FBXL7: variants seen among roughly 807,000 people sequenced by gnomAD.
FBXL7 encodes F-box/LRR-repeat protein 7.
A neutral mutation model predicts 38.3 loss-of-function variants in FBXL7; 12 were observed. The ratio of observed to expected loss-of-function variants is 0.31; its 90% CI spans 0.20 to 0.51. The LOEUF (loss-of-function observed/expected upper bound fraction) is 0.51, where lower values mean the gene tolerates loss of function less well. FBXL7 is among the 20% of genes least tolerant of loss of function. The pLI is 0.98. For synonymous variants in FBXL7, 297 were observed against 300.9 expected (o/e 0.99, Z 0.13); for missense variants, 567 against 676.4 (o/e 0.84, Z 1.79).
intron 2 of FBXL7, among the ~76,000 whole-genome samples, chr5:15,659,684 A>G (rs1741996182): frequency 6.6e-6 from 1 of 152,228 alleles, no homozygotes; most frequent in Admixed American, 6.5e-5. Flanking sequence ...ATGATGGTGT[A>G]AGGAGTATAA....
At chr5:15,562,536 C>G (rs1738441511) in intron 1 of FBXL7, among the ~76,000 whole-genome samples, 1 of 151,938 alleles carries the variant, frequency 6.6e-6, no homozygotes, top group South Asian at 2.1e-4. Flanking sequence ...TTATTTTATA[C>G]CTCACTTTTT....
intron 1 of FBXL7, among the ~76,000 whole-genome samples, chr5:15,569,165 A>G (rs1270951783): frequency 6.6e-6 from 1 of 152,182 alleles, no homozygotes; most frequent in Admixed American, 6.5e-5. Flanking sequence ...CATTGAATCT[A>G]TAAATTACTT....
At chr5:15,685,673 G>A (rs1164571214) in intron 2 of FBXL7, among the ~76,000 whole-genome samples, 3 of 152,172 alleles carry the variant, frequency 2.0e-5, no homozygotes, top group South Asian at 2.1e-4. Context: ...CTTACCATGT[G>A]TATAACTTTA....
intron 2 of FBXL7, among the ~76,000 whole-genome samples, chr5:15,876,599 C>G (rs780419782): frequency 2.7e-4 from 41 of 152,168 alleles, no homozygotes; most frequent in Non-Finnish European, 5.3e-4. Flanking sequence ...AACTTAGAAA[C>G]TCTACCAGTT....
At chr5:15,873,792 G>A (rs1333741971) in intron 2 of FBXL7, among the ~76,000 whole-genome samples, 1 of 151,982 alleles carries the variant, frequency 6.6e-6, no homozygotes. Flanking sequence ...CCAACCAAAA[G>A]AGGCCCAGGA....
chr5:15,501,429 C>T, intron 1 of FBXL7: 1 of 985,580 alleles, frequency 1.0e-6, no homozygotes, highest in Non-Finnish European at 1.2e-6. Context: ...CTACCTCCTC[C>T]CACTCTGCAT....
chr5:15,623,611 A>G (rs1740720764), intron 2 of FBXL7, among the ~76,000 whole-genome samples: 1 of 152,138 alleles, frequency 6.6e-6, no homozygotes. Flanking sequence ...ATATCTTTAT[A>G]TTGTCTTCTT....
intron 1 of FBXL7, among the ~76,000 whole-genome samples, chr5:15,596,976 A>T (rs1023842087): frequency 5.9e-5 from 9 of 152,138 alleles, no homozygotes; most frequent in Non-Finnish European, 1.3e-4. Context: ...GAATTATCCT[A>T]GTAAATTAAT....
chr5:15,583,311 T>C (rs1454205413), intron 1 of FBXL7, among the ~76,000 whole-genome samples: 1 of 152,154 alleles, frequency 6.6e-6, no homozygotes, highest in African/African-American at 2.4e-5. Context: ...AACCAAACCA[T>C]ATCATTCTGC....
At chr5:15,658,399 G>A (rs925331332) in intron 2 of FBXL7, among the ~76,000 whole-genome samples, 4 of 152,136 alleles carry the variant, frequency 2.6e-5, no homozygotes, top group African/African-American at 9.7e-5. Flanking sequence ...TCGTGGGAGG[G>A]ACCAGGTGGA....
chr5:15,649,021 G>A (rs1369303951), intron 2 of FBXL7, among the ~76,000 whole-genome samples: 9 of 151,278 alleles, frequency 5.9e-5, no homozygotes, highest in Non-Finnish European at 1.3e-4. Flanking sequence ...TTTTGAGACC[G>A]AGTCTCACTC....
rs966811638 is a variant in FBXL7 at position 15,928,302 on chromosome 5, C to T, written c.540C>T (p.Asp180=). 6.2e-7 allele frequency: 1 copy of T among 1,613,636 alleles called. No homozygotes were observed. Among genetic ancestry groups the T allele is most frequent in the South Asian group, 1.1e-5 (1 of 90,968 alleles). Residue 180 remains aspartate (D), a synonymous_variant, in exon 3 of 4, where the codon GAC becomes GAT. Transcript: ENST00000504595. This position sits in a 1 kb window ranked among gnomAD's most constrained non-coding sequence, Gnocchi z 4.0. ...TGCTGACCCGCAGACTCTGCCAGGACACCCCCAACGTGTGTCTCATGCTGG... is the reference window on the plus strand; with the variant it reads ...TGCTGACCCGCAGACTCTGCCAGGATACCCCCAACGTGTGTCTCATGCTGG... ...LKVLTRRLCQ[D]TPNVCLMLET...
At chr5:15,664,927 A>G (rs1273186728) in intron 2 of FBXL7, among the ~76,000 whole-genome samples, 1 of 150,868 alleles carries the variant, frequency 6.6e-6, no homozygotes, top group Non-Finnish European at 1.5e-5. Context: ...TTTTTGAAAG[A>G]TGTTTTCACA....
Position 15,647,880 on chromosome 5 carries a change from CAG to C in FBXL7, c.127+31809_127+31810del, listed in dbSNP as rs148918510. 8.4e-3 allele frequency among the ~76,000 whole-genome samples: 1,277 copies of C among 152,352 alleles called. 9 individuals carry two copies. Among genetic ancestry groups the C allele is most frequent in the Non-Finnish European group, 0.014 (952 of 68,026 alleles). On this transcript the variant is annotated intron_variant, in intron 2 of 3. Transcript: ENST00000504595. ...ACTTTGCCCAAGCCCATGCAGCTGACAGTGTCTGCACCAGAATTTGAAACTGG... is the reference window on the plus strand; with the variant it reads ...ACTTTGCCCAAGCCCATGCAGCTGACTGTCTGCACCAGAATTTGAAACTGG...
chr5:15,890,383 G>A (rs1266950761), intron 2 of FBXL7, among the ~76,000 whole-genome samples: 1 of 152,108 alleles, frequency 6.6e-6, no homozygotes, highest in Non-Finnish European at 1.5e-5. Context: ...CAAGTAGCTG[G>A]GATTACAGGC....
intron 2 of FBXL7, among the ~76,000 whole-genome samples, chr5:15,725,242 C>A (rs1472944086): frequency 6.6e-6 from 1 of 152,098 alleles, no homozygotes; most frequent in Non-Finnish European, 1.5e-5. Flanking sequence ...GATTTGAGAT[C>A]TTTCTTATTT....
At chr5:15,871,883 A>G (rs1739981098) in intron 2 of FBXL7, among the ~76,000 whole-genome samples, 1 of 152,214 alleles carries the variant, frequency 6.6e-6, no homozygotes, top group African/African-American at 2.4e-5. Flanking sequence ...ATTCAGGAGA[A>G]CTTATCCACC....
intron 2 of FBXL7, among the ~76,000 whole-genome samples, chr5:15,836,344 CAAATT>C (rs1738591514): frequency 1.3e-5 from 2 of 151,912 alleles, no homozygotes; most frequent in South Asian, 4.2e-4. Flanking sequence ...AAAAATGAGA[CAAATT>C]ATATAGTATT....
At chr5:15,841,628 C>T (rs1352783134) in intron 2 of FBXL7, among the ~76,000 whole-genome samples, 1 of 152,060 alleles carries the variant, frequency 6.6e-6, no homozygotes, top group Non-Finnish European at 1.5e-5. Context: ...TTGTATTTTA[C>T]AGAGTAAAAT....
Sources: gnomAD v4.1 joint callset for allele counts (sites outside exome capture counted in the v4.1 genomes callset) on GRCh38, gnomAD v4.1.1 for gene constraint, Gnocchi (gnomAD v3.1) non-coding constraint, MANE v1.5 for transcripts, NCBI Gene and HGNC (gene_info 2026-07-23, HGNC 2026-07-21) for gene names.